The following RANBP2 variants were observed in gnomAD, a reference collection of about 807,000 sequenced individuals.
RANBP2 encodes the protein RAN binding protein 2, also known as E3 SUMO-protein ligase RanBP2.
RANBP2 carries 57 observed loss-of-function variants against 303.6 expected under a neutral mutation model. The observed-to-expected ratio is 0.19, with a 90% CI of 0.15 to 0.23. The LOEUF (loss-of-function observed/expected upper bound fraction) is 0.23. Among genes scored for constraint, RANBP2 ranks in the 10% least tolerant of loss-of-function variants. The pLI is 1.00. For missense variants in RANBP2, 3,138 were observed against 3,780.8 expected, an observed-to-expected ratio of 0.83 and a Z score of 4.46; for synonymous variants, 1,167 against 1,301.5, an observed-to-expected ratio of 0.90 and a Z score of 2.23.
At chr2:109,041,839 C>G in the RANBP2 span, among the ~76,000 whole-genome samples, 1 of 151,796 alleles carries the variant, frequency 6.6e-6, no homozygotes, top group Non-Finnish European at 1.5e-5. Flanking sequence ...ACCCGCCCGG[C>G]CTGATGGATG....
the RANBP2 span, chr2:109,552,473 T>G: frequency 6.6e-6 from 1 of 151,840 alleles, no homozygotes. Flanking sequence ...GGTAAACCAT[T>G]TCTAATGGAA....
the RANBP2 span, among the ~76,000 whole-genome samples, chr2:109,685,053 T>TA: frequency 6.8e-6 from 1 of 146,766 alleles, no homozygotes; most frequent in South Asian, 2.2e-4. Flanking sequence ...TTTGTATTTT[T>TA]GTAGAGACAG....
In RANBP2 at chr2:108,763,382, C is replaced by G; in HGVS notation, c.2843C>G (p.Ser948Cys). The G allele has an allele frequency of 6.2e-7, 1 of 1,613,944 alleles. No homozygotes were observed. The highest frequency in any genetic ancestry group is 1.1e-5 in the South Asian group (1 of 91,080). The change falls in exon 20 of 29, where the codon TCT (serine) becomes TGT (cysteine). Residue 948 changes from serine (S) to cysteine (C), a missense_variant. Ser to Cys is a moderately radical substitution (Grantham distance 112, BLOSUM62 -1). Coordinates refer to ENST00000283195, the MANE Select transcript of RANBP2 (RefSeq NM_006267.5). ...GGTCCTCCTGCATTGCGTTTTGAGT[C>G]TCCTGCAACGGGAATTCTATCGCCC... ...MYGPPALRFESPATGILSPRG... is the reference protein window; with the variant it reads ...MYGPPALRFECPATGILSPRG...
the RANBP2 span, among the ~76,000 whole-genome samples, chr2:108,886,655 A>G: frequency 6.6e-6 from 1 of 151,980 alleles, no homozygotes; most frequent in Non-Finnish European, 1.5e-5. Flanking sequence ...CTCATGGTCC[A>G]TCTGCCTCGG....
chr2:109,718,193 A>G, the RANBP2 span, among the ~76,000 whole-genome samples: 17 of 152,284 alleles, frequency 1.1e-4, no homozygotes, highest in South Asian at 4.2e-4. Context: ...CAGAGTTACA[A>G]TCTGGCCCAG....
the RANBP2 span, among the ~76,000 whole-genome samples, chr2:109,656,431 A>G: frequency 6.6e-6 from 1 of 152,166 alleles, no homozygotes; most frequent in Admixed American, 6.5e-5. Context: ...TCTGCCTCCC[A>G]GGTTCAAGCA....
At chr2:109,016,119 T>C in the RANBP2 span, among the ~76,000 whole-genome samples, 1 of 152,218 alleles carries the variant, frequency 6.6e-6, no homozygotes, top group Non-Finnish European at 1.5e-5. Context: ...TTTCGCTCTG[T>C]CGCCCAGGCT....
the RANBP2 span, among the ~76,000 whole-genome samples, chr2:109,467,783 C>T: frequency 5.3e-5 from 8 of 152,292 alleles, no homozygotes; most frequent in Admixed American, 2.0e-4. Flanking sequence ...CTGATCTGAC[C>T]GTTCTGCAGT....
At chr2:108,746,174 C>G (rs938137217) in intron 7 of RANBP2, among the ~76,000 whole-genome samples, 3 of 148,388 alleles carry the variant, frequency 2.0e-5, no homozygotes, top group African/African-American at 7.5e-5. Context: ...TTCCAAAGTG[C>G]TGGGATTACA....
intron 25 of RANBP2, among the ~76,000 whole-genome samples, chr2:108,778,292 A>G (rs920478472): frequency 3.9e-5 from 6 of 152,096 alleles, no homozygotes; most frequent in Non-Finnish European, 8.8e-5. Flanking sequence ...TCTCACTACC[A>G]CTTGTCATTT....
chr2:109,621,217 A>T, the RANBP2 span, among the ~76,000 whole-genome samples: 5 of 152,076 alleles, frequency 3.3e-5, no homozygotes, highest in Non-Finnish European at 7.3e-5. Context: ...CAGTGGCGTG[A>T]TCTTGGCTCA....
At chr2:109,023,059 AG>A in the RANBP2 span, among the ~76,000 whole-genome samples, 1 of 152,188 alleles carries the variant, frequency 6.6e-6, no homozygotes, top group Admixed American at 6.5e-5. Context: ...TCAAAAAAAA[AG>A]AAAAAAAGAA....
At chr2:109,412,309 G>A in the RANBP2 span, among the ~76,000 whole-genome samples, 1 of 152,348 alleles carries the variant, frequency 6.6e-6, no homozygotes, top group East Asian at 1.9e-4. Context: ...CCAGGACATT[G>A]GGAGGTGGAG....
At chr2:109,208,855 C>T in the RANBP2 span, among the ~76,000 whole-genome samples, 2 of 152,202 alleles carry the variant, frequency 1.3e-5, no homozygotes, top group Non-Finnish European at 2.9e-5. Context: ...AATTCAGGTT[C>T]ATTCTCTCTT....
the RANBP2 span, among the ~76,000 whole-genome samples, chr2:109,415,067 A>G: frequency 1.3e-5 from 2 of 152,170 alleles, no homozygotes; most frequent in Admixed American, 1.3e-4. Context: ...GAGGCTAGAG[A>G]GAGGAAGACG....
At chr2:109,377,342 C>G in the RANBP2 span, among the ~76,000 whole-genome samples, 1 of 152,090 alleles carries the variant, frequency 6.6e-6, no homozygotes, top group Non-Finnish European at 1.5e-5. Flanking sequence ...GAGGTGGGGC[C>G]CAGCTGCTGA....
At chr2:109,774,550 A>AATATATATT in the RANBP2 span, among the ~76,000 whole-genome samples, 1 of 98,978 alleles carries the variant, frequency 1.0e-5, no homozygotes, top group Non-Finnish European at 1.8e-5. Flanking sequence ...AAATATATAT[A>AATATATATT]ATATATATAT....
chr2:109,187,019 G>A, the RANBP2 span, among the ~76,000 whole-genome samples: 1 of 149,756 alleles, frequency 6.7e-6, no homozygotes, highest in Non-Finnish European at 1.5e-5. Context: ...GCTGGGCCTA[G>A]CCCTGGCACC....
the RANBP2 span, among the ~76,000 whole-genome samples, chr2:108,977,310 C>A: frequency 6.6e-6 from 1 of 152,144 alleles, no homozygotes; most frequent in East Asian, 1.9e-4. Flanking sequence ...GCTCTGTCGC[C>A]CAGGCTGGAA....
Sources: allele counts gnomAD v4.1 joint callset (sites outside exome capture counted in the v4.1 genomes callset), GRCh38; gene constraint gnomAD v4.1.1; transcripts MANE v1.5; gene names NCBI Gene and HGNC (gene_info 2026-07-23, HGNC 2026-07-21).